MYO1E: variants seen among roughly 807,000 people sequenced by gnomAD.
The protein encoded by MYO1E is myosin IE.
A neutral mutation model predicts 151.1 loss-of-function variants in MYO1E; 68 were observed. The observed-to-expected ratio is 0.45, with a 90% confidence interval of 0.37 to 0.55. MYO1E has a LOEUF of 0.55. Among genes scored for constraint, MYO1E ranks in the 20% least tolerant of loss-of-function variants. MYO1E has a pLI of 0.00. For missense variants in MYO1E, 1,363 were observed against 1,389.3 expected, an observed-to-expected ratio of 0.98 and a Z score of 0.30; for synonymous variants, 601 against 501.7, an observed-to-expected ratio of 1.20 and a Z score of -2.64.
chr15:59,219,839 T>G (rs2079942772), intron 9 of MYO1E, among the ~76,000 whole-genome samples: 1 of 152,226 alleles, frequency 6.6e-6, no homozygotes, highest in African/African-American at 2.4e-5. Context: ...AATCTGCAAG[T>G]GGATATTTGG....
intron 11 of MYO1E, 47 bp downstream of exon 11, chr15:59,214,593 G>C: frequency 6.9e-7 from 1 of 1,455,592 alleles, no homozygotes; most frequent in Non-Finnish European, 9.6e-7. Flanking sequence ...CAGGCCAGAT[G>C]AAATACGTCA....
chr15:59,323,528 C>T (rs1258292477), intron 1 of MYO1E, among the ~76,000 whole-genome samples: 1 of 151,598 alleles, frequency 6.6e-6, no homozygotes, highest in Non-Finnish European at 1.5e-5. Flanking sequence ...CGGTGGTGGG[C>T]GCTTGCAGTC....
intron 1 of MYO1E, among the ~76,000 whole-genome samples, chr15:59,366,107 G>A (rs2080911380): frequency 6.6e-6 from 1 of 152,062 alleles, no homozygotes; most frequent in South Asian, 2.1e-4. Context: ...AGCCTCCCAA[G>A]TAGCTGCGAT....
chr15:59,210,808 A>G (rs1300878723), intron 12 of MYO1E, among the ~76,000 whole-genome samples: 8 of 152,234 alleles, frequency 5.3e-5, no homozygotes, highest in South Asian at 2.1e-4. Context: ...TTTGAACCCT[A>G]TGAAATTATT....
chr15:59,275,121 A>G (rs1380527320), intron 1 of MYO1E, among the ~76,000 whole-genome samples: 1 of 152,176 alleles, frequency 6.6e-6, no homozygotes, highest in African/African-American at 2.4e-5. Flanking sequence ...TGAACCGAAG[A>G]TTCGATGACT....
chr15:59,261,460 G>T lies in MYO1E; in HGVS notation c.197C>A (p.Pro66Gln). Residue 66 changes from proline to glutamine, a missense_variant, in exon 3 of 28, where the codon CCA (proline) becomes CAA (glutamine). Transcript: ENST00000288235. Reference sequence around the variant, plus strand: ...TTCAATTTCCTTTTCCCCAAAATATGGCATCTGCTTGAAAGGGTTGACTGA... The same window carrying T: ...TTCAATTTCCTTTTCCCCAAAATATTGCATCTGCTTGAAAGGGTTGACTGA... ...LISVNPFKQM[P>Q]YFGEKEIEMY... is the part of the protein sequence containing the mutation. The T allele has an allele frequency of 6.2e-7, 1 of 1,611,584 alleles. No homozygotes were observed. Among genetic ancestry groups the T allele is most frequent in the South Asian group, 1.1e-5 (1 of 91,018 alleles).
At chr15:59,267,955 G>A (rs2080266388) in intron 2 of MYO1E, among the ~76,000 whole-genome samples, 1 of 152,110 alleles carries the variant, frequency 6.6e-6, no homozygotes, top group South Asian at 2.1e-4. Flanking sequence ...GAAGAAATGT[G>A]CATTCAGCCT....
intron 27 of MYO1E, 135 bp from the exon 28 acceptor site, chr15:59,137,591 G>A (rs2079381084): frequency 1.2e-5 from 9 of 771,926 alleles, no homozygotes; most frequent in Admixed American, 8.2e-5. Flanking sequence ...AAATCAAAAA[G>A]TTTGTTGAAA....
At chr15:59,208,482 C>T in intron 14 of MYO1E, 199 bp downstream of exon 14, 1 of 665,824 alleles carries the variant, frequency 1.5e-6, no homozygotes, top group Non-Finnish European at 2.6e-6. Context: ...GTAGCTTCTT[C>T]TACAATGTAA....
intron 1 of MYO1E, among the ~76,000 whole-genome samples, chr15:59,336,652 C>A (rs575402349): frequency 6.6e-6 from 1 of 152,016 alleles, no homozygotes; most frequent in Middle Eastern, 3.4e-3. Flanking sequence ...GCAGAACGTG[C>A]GGGTTTGTTA....
At chr15:59,370,371 C>G (rs1394785726) in intron 1 of MYO1E, among the ~76,000 whole-genome samples, 1 of 152,210 alleles carries the variant, frequency 6.6e-6, no homozygotes, top group African/African-American at 2.4e-5. Flanking sequence ...AACAATTTTT[C>G]AAGTCAGGAA....
chr15:59,344,538 G>A (rs1397521403), intron 1 of MYO1E, among the ~76,000 whole-genome samples: 1 of 152,166 alleles, frequency 6.6e-6, no homozygotes, highest in Non-Finnish European at 1.5e-5. Context: ...AAGGCCCTAG[G>A]GCTCTACAAT....
intron 1 of MYO1E, among the ~76,000 whole-genome samples, chr15:59,345,770 A>T (rs1325010239): frequency 6.6e-6 from 1 of 152,184 alleles, no homozygotes. Context: ...ATATTTACCA[A>T]TTCTCAGAGT....
At chr15:59,273,733 A>G (rs1282040217) in intron 1 of MYO1E, among the ~76,000 whole-genome samples, 1 of 152,126 alleles carries the variant, frequency 6.6e-6, no homozygotes, top group Non-Finnish European at 1.5e-5. Flanking sequence ...ATAAATATGA[A>G]GTAATGGCAA....
At chr15:59,341,486 G>A (rs1329703332) in intron 1 of MYO1E, 1 of 151,878 alleles carries the variant, frequency 6.6e-6, no homozygotes, top group Non-Finnish European at 1.5e-5. Flanking sequence ...CATAACCCCT[G>A]TCTCCCCAGT....
At chr15:59,315,948 C>T (rs369959120) in intron 1 of MYO1E, among the ~76,000 whole-genome samples, 9 of 152,266 alleles carry the variant, frequency 5.9e-5, no homozygotes, top group South Asian at 2.1e-4. Flanking sequence ...TACTCAGACA[C>T]GTTTTTGTAA....
At chr15:59,178,623 C>A in intron 18 of MYO1E, 86 bp from the exon 19 acceptor site, 1 of 1,527,962 alleles carries the variant, frequency 6.5e-7, no homozygotes, top group Non-Finnish European at 8.9e-7. Flanking sequence ...GAGCTCTGCT[C>A]TGAAGGTGCC....
intron 7 of MYO1E, among the ~76,000 whole-genome samples, chr15:59,226,241 TAA>T (rs765438153): frequency 2.0e-5 from 3 of 152,200 alleles, no homozygotes; most frequent in Non-Finnish European, 4.4e-5. Flanking sequence ...AGGTACAAAC[TAA>T]AAGAATTATT....
rs2080293148 is a variant in MYO1E, at chr15:59,272,323, T to C, written c.130A>G (p.Met44Val). ...SIVENLKKRY[M>V]DDYIFTYIGS... Reference sequence around the variant, plus strand: ...AAGGATACAAAAATGTAGTCATCCATGTATCTCTTCTTCAGATTCTCCACG... The same window carrying C: ...AAGGATACAAAAATGTAGTCATCCACGTATCTCTTCTTCAGATTCTCCACG... The change falls in exon 2 of 28, where the codon ATG (methionine) becomes GTG (valine). Residue 44 changes from methionine to valine, a missense_variant. Met to Val is a conservative substitution (Grantham distance 21). Transcript: ENST00000288235. 6.2e-7 allele frequency: 1 copy of C among 1,614,034 alleles called. No homozygotes were observed.
Sources: allele counts gnomAD v4.1 joint callset (sites outside exome capture counted in the v4.1 genomes callset), GRCh38; gene constraint gnomAD v4.1.1; transcripts MANE v1.5; gene names NCBI Gene and HGNC (gene_info 2026-07-23, HGNC 2026-07-21).